ASAP1: variants seen among roughly 807,000 people sequenced by gnomAD.
ASAP1 encodes arf-GAP with SH3 domain, ANK repeat and PH domain-containing protein 1.
In ASAP1, 43 loss-of-function variants were observed where a neutral mutation model predicts 145.2. The ratio of observed to expected loss-of-function variants is 0.30; its 90% CI spans 0.23 to 0.38. The LOEUF is 0.38. Ranked by LOEUF, ASAP1 falls within the 10% of genes least tolerant of loss-of-function variation. ASAP1 has a pLI of 1.00. For synonymous variants in ASAP1, 546 were observed against 515.5 expected (o/e 1.06, Z -0.80); for missense variants, 1,018 against 1,355.3 (o/e 0.75, Z 3.91).
chr8:130,185,729 C>CAAAAAAAAAAAAA (rs778486303), intron 7 of ASAP1, among the ~76,000 whole-genome samples: 10 of 56,938 alleles, frequency 1.8e-4, no homozygotes, highest in South Asian at 5.6e-4. Context: ...AACTCCGCCT[C>CAAAAAAAAAAAAA]AAAAAAAAAA....
At chr8:130,168,133 T>C (rs779395534) in intron 10 of ASAP1, among the ~76,000 whole-genome samples, 27 of 152,164 alleles carry the variant, frequency 1.8e-4, no homozygotes, top group Non-Finnish European at 2.4e-4. Context: ...AAAAAATACA[T>C]AGCTATGCAT....
intron 3 of ASAP1, among the ~76,000 whole-genome samples, chr8:130,294,571 G>A (rs1822144900): frequency 6.6e-6 from 1 of 152,212 alleles, no homozygotes; most frequent in African/African-American, 2.4e-5. Context: ...AAAGATGAAT[G>A]AGATAATACA....
intron 25 of ASAP1, among the ~76,000 whole-genome samples, chr8:130,091,008 G>A (rs983186568): frequency 6.6e-6 from 1 of 152,218 alleles, no homozygotes; most frequent in Admixed American, 6.5e-5. Context: ...ACCCTGTTTC[G>A]TGATGGGGTG....
At chr8:130,433,845 C>T (rs1006625612) in intron 1 of ASAP1, among the ~76,000 whole-genome samples, 21 of 152,160 alleles carry the variant, frequency 1.4e-4, no homozygotes, top group African/African-American at 1.2e-4. Flanking sequence ...AGAGTTTTCA[C>T]AATTTACAGA....
At chr8:130,442,130 G>A (rs1359876786) in intron 1 of ASAP1, among the ~76,000 whole-genome samples, 2 of 152,176 alleles carry the variant, frequency 1.3e-5, no homozygotes, top group African/African-American at 4.8e-5. Context: ...TTTGAAATAA[G>A]TGCATATCTC....
chr8:130,202,965 C>T (rs1023269429), intron 5 of ASAP1, among the ~76,000 whole-genome samples: 7 of 152,032 alleles, frequency 4.6e-5, no homozygotes, highest in Non-Finnish European at 7.4e-5. Flanking sequence ...TAAGGGGTTA[C>T]CATACAGTAT....
chr8:130,232,620 G>GC (rs763222096), intron 4 of ASAP1, among the ~76,000 whole-genome samples: 128 of 148,176 alleles, frequency 8.6e-4, no homozygotes, highest in Admixed American at 7.4e-3. Context: ...GAGACAATTT[G>GC]TTTAAAAAAA....
intron 3 of ASAP1, among the ~76,000 whole-genome samples, chr8:130,340,689 A>G (rs1232036814): frequency 1.3e-5 from 2 of 152,226 alleles, no homozygotes; most frequent in Admixed American, 6.5e-5. Flanking sequence ...TAGCTCCACC[A>G]TATAACAGTT....
chr8:130,427,243 T>C lies in ASAP1; in HGVS notation c.-28+16217A>G, dbSNP rs1439544656. On this transcript the variant is annotated intron_variant, in intron 1 of 29. Transcript: ENST00000518721. ...GAACCGGAGAGCAATGGGGACTTCA[T>C]GGTTATACCTGCCAGTAAGAGTTAT... Among the ~76,000 whole-genome samples the C allele has an allele frequency of 2.0e-5, 3 of 152,206 alleles. No individual in the cohort carries two copies. The East Asian group carries it at 5.8e-4, about 29-fold the overall frequency.
At chr8:130,079,768 C>G (rs532992804) in intron 26 of ASAP1, 134 bp downstream of exon 26, 486 of 832,986 alleles carry the variant, frequency 5.8e-4, no homozygotes, top group Non-Finnish European at 8.7e-4. Context: ...CGTCTGGTTT[C>G]TTGTTGTGGC....
intron 18 of ASAP1, chr8:130,118,883 A>G: frequency 3.3e-6 from 1 of 303,440 alleles, no homozygotes; most frequent in Non-Finnish European, 6.0e-6. Context: ...CAAGTAATAG[A>G]TATAGTTACA....
chr8:130,052,782 A>G lies in ASAP1; in HGVS notation c.*1949T>C, dbSNP rs60001112. On this transcript the variant is annotated 3_prime_UTR_variant, in exon 30 of 30. Transcript: ENST00000518721. ...AAACCAGTTTATTTTGAGATCAGTG[A>G]AAAGAGTCTAGGCCACAGAAAAGAA... is the stretch of plus-strand genomic sequence containing the variant. 0.011 allele frequency: 1,606 copies of G among 143,328 alleles called. 27 individuals are homozygous for G. Among genetic ancestry groups the G allele is most frequent in the African/African-American group, 0.04 (1,549 of 38,850 alleles). 8.9% of individuals were successfully genotyped at this position (143,328 alleles called of 1,614,324 possible).
chr8:130,277,535 G>A (rs893712698), intron 3 of ASAP1, among the ~76,000 whole-genome samples: 6 of 152,056 alleles, frequency 3.9e-5, no homozygotes, highest in African/African-American at 1.4e-4. Flanking sequence ...AACAAACATT[G>A]AAAACTCCTA....
At chr8:130,162,092 C>T (rs963996876) in intron 11 of ASAP1, among the ~76,000 whole-genome samples, 2 of 152,128 alleles carry the variant, frequency 1.3e-5, no homozygotes, top group Non-Finnish European at 2.9e-5. Context: ...GAGCACCATG[C>T]TCGACCTAAA....
chr8:130,102,207 C>T (rs112854327), intron 24 of ASAP1, among the ~76,000 whole-genome samples: 2,101 of 152,268 alleles, frequency 0.014, 25 homozygotes, highest in Non-Finnish European at 0.022. Context: ...CAGCTTTCCC[C>T]CATTCAGGAT....
intron 3 of ASAP1, among the ~76,000 whole-genome samples, chr8:130,343,243 T>A (rs1226060910): frequency 2.6e-5 from 4 of 152,124 alleles, no homozygotes; most frequent in African/African-American, 9.7e-5. Context: ...CAAGAGGCTG[T>A]ATGGGGCAGA....
chr8:130,058,079 TAAAG>T lies in ASAP1; in HGVS notation c.3193-7_3193-4del. ...ACTCGCCTCACTTTATTTTTCCCCT[TAAAG>T]AAAGAAACTGGGTTTTAATTGAAAG... On this transcript the variant is annotated splice_polypyrimidine_tract_variant and splice_region_variant and intron_variant, in intron 28 of 29. Coordinates refer to ENST00000518721, the MANE Select transcript of ASAP1 (RefSeq NM_018482.4). 1.2e-6 allele frequency: 2 copies of T among 1,612,472 alleles called. No homozygotes were observed. The highest frequency in any genetic ancestry group is 1.7e-6 in the Non-Finnish European group (2 of 1,178,654).
In ASAP1 at chr8:130,118,042, A is replaced by G. The variant is rs183263049; in HGVS notation, c.1880+119T>C. The G allele has an allele frequency of 6.0e-4, 445 of 737,782 alleles. 14 individuals carry two copies. In the Admixed American group the frequency reaches 0.013, roughly 22 times the overall value. 45.7% of individuals were successfully genotyped at this position (737,782 alleles called of 1,614,324 possible). ...GCCTGCAAAGCCAAAAATAATTTTT[A>G]TATCTAGCATGACACAGAAAAAGCT... On this transcript the variant is annotated intron_variant, in intron 20 of 29. Coordinates refer to ENST00000518721, the MANE Select transcript of ASAP1 (RefSeq NM_018482.4).
chr8:130,199,209 A>T (rs989270414), intron 5 of ASAP1, among the ~76,000 whole-genome samples: 1 of 152,216 alleles, frequency 6.6e-6, no homozygotes, highest in Admixed American at 6.5e-5. Context: ...AGCTTCTTGG[A>T]GGCAGAGGCT....
Sources: allele counts gnomAD v4.1 joint callset (sites outside exome capture counted in the v4.1 genomes callset), GRCh38; gene constraint gnomAD v4.1.1; transcripts MANE v1.5; gene names NCBI Gene and HGNC (gene_info 2026-07-23, HGNC 2026-07-21).